The following TFEC variants were observed in gnomAD, a reference collection of about 807,000 sequenced individuals.
TFEC encodes the protein class E basic helix-loop-helix protein 34.
In TFEC, 31 loss-of-function variants were observed where a neutral mutation model predicts 41.6. The observed-to-expected ratio is 0.74, with a 90% CI of 0.56 to 1.01. The LOEUF is 1.01. TFEC is among the 50% of genes least tolerant of loss of function. The pLI is 0.00. For synonymous variants in TFEC, 143 were observed against 140.6 expected (o/e 1.02, Z -0.12); for missense variants, 402 against 404.1 (o/e 0.99, Z 0.04).
chr7:116,072,395 T>G (rs1340367695), intron 3 of TFEC, among the ~76,000 whole-genome samples: 1 of 151,644 alleles, frequency 6.6e-6, no homozygotes, highest in East Asian at 1.9e-4. Flanking sequence ...CAATTGTATG[T>G]ATTTTAATAT....
At chr7:116,040,996 A>T (rs1796023257) in intron 3 of TFEC, among the ~76,000 whole-genome samples, 1 of 152,196 alleles carries the variant, frequency 6.6e-6, no homozygotes, top group African/African-American at 2.4e-5. Context: ...CCGGGGAAAT[A>T]TTAACACCTA....
chr7:115,975,030 G>A (rs555073010), intron 2 of TFEC, among the ~76,000 whole-genome samples: 1 of 152,084 alleles, frequency 6.6e-6, no homozygotes. Flanking sequence ...TCAATAATTT[G>A]TCCCAGATTA....
chr7:116,101,576 G>T (rs2115968206), intron 3 of TFEC, among the ~76,000 whole-genome samples: 1 of 152,180 alleles, frequency 6.6e-6, no homozygotes, highest in Non-Finnish European at 1.5e-5. Context: ...TAGTAAACCT[G>T]ACTGGCTCTT....
In TFEC at chr7:115,940,747, G is replaced by A; in HGVS notation, c.848C>T (p.Ser283Phe). 1 of 1,613,502 alleles carries A rather than the reference G, an allele frequency of 6.2e-7. No individual in the cohort carries two copies. Among genetic ancestry groups the A allele is most frequent in the Non-Finnish European group, 8.5e-7 (1 of 1,179,626 alleles). The change falls in exon 8 of 8, where the codon TCT becomes TTT. Residue 283 changes from serine to phenylalanine, a missense_variant. By Grantham distance (155) the Ser-to-Phe change is radical (BLOSUM62 -2). Coordinates refer to ENST00000265440, the MANE Select transcript of TFEC (RefSeq NM_012252.4). ...PELCDQAIAF[S>F]DPLSYFTDLS... ...ATCTGTGAAGTATGACAAAGGATCA[G>A]AAAAGGCTATAGCTTGATCACAGAG... is the stretch of plus-strand genomic sequence containing the variant.
intron 1 of TFEC, among the ~76,000 whole-genome samples, chr7:115,987,088 A>C (rs1008425582): frequency 3.3e-5 from 5 of 152,156 alleles, no homozygotes; most frequent in Non-Finnish European, 7.4e-5. Context: ...AGAATAAAAT[A>C]TAGTATGGGA....
chr7:115,974,099 A>T (rs1182026243), intron 3 of TFEC, 71 bp downstream of exon 3: 5 of 1,275,012 alleles, frequency 3.9e-6, no homozygotes, highest in Non-Finnish European at 5.4e-6. Context: ...CCAGTTGCTA[A>T]TCAAATATTT....
At chr7:116,158,730 A>G (rs1321215394) in intron 1 of TFEC, among the ~76,000 whole-genome samples, 2 of 152,100 alleles carry the variant, frequency 1.3e-5, no homozygotes, top group Non-Finnish European at 2.9e-5. Flanking sequence ...TTGCAATAGC[A>G]TATTACTATA....
chr7:115,956,995 G>A (rs549111959), intron 3 of TFEC, among the ~76,000 whole-genome samples: 6 of 151,720 alleles, frequency 4.0e-5, no homozygotes, highest in South Asian at 2.1e-4. Context: ...GATAAGATGC[G>A]CTGAAAAAAA....
intron 1 of TFEC, among the ~76,000 whole-genome samples, chr7:116,026,204 C>A (rs1795578632): frequency 6.6e-6 from 1 of 152,202 alleles, no homozygotes. Flanking sequence ...ATCAAAGACC[C>A]CTGAATATGC....
chr7:116,156,201 A>G (rs1029026880), intron 1 of TFEC, among the ~76,000 whole-genome samples: 5 of 152,148 alleles, frequency 3.3e-5, no homozygotes, highest in Non-Finnish European at 7.3e-5. Flanking sequence ...GGAAAGACAG[A>G]AACAGCAGGA....
chr7:115,978,015 A>C (rs570817335), intron 2 of TFEC, among the ~76,000 whole-genome samples: 8 of 152,256 alleles, frequency 5.3e-5, no homozygotes, highest in Admixed American at 3.9e-4. Flanking sequence ...AAAGCATAGT[A>C]ACTTAAAACA....
chr7:115,980,559 G>A (rs1562908201), intron 2 of TFEC, among the ~76,000 whole-genome samples: 2 of 152,068 alleles, frequency 1.3e-5, no homozygotes, highest in East Asian at 1.9e-4. Flanking sequence ...AGACCACCCT[G>A]GCCAATACGG....
At chr7:116,061,379 A>G (rs1216169690) in intron 3 of TFEC, among the ~76,000 whole-genome samples, 1 of 152,150 alleles carries the variant, frequency 6.6e-6, no homozygotes, top group African/African-American at 2.4e-5. Context: ...CTTTTCAACA[A>G]ATTATTCTGG....
At chr7:116,021,800 A>C (rs977119564) in intron 1 of TFEC, among the ~76,000 whole-genome samples, 1 of 152,172 alleles carries the variant, frequency 6.6e-6, no homozygotes, top group East Asian at 1.9e-4. Context: ...AGTTCATCAG[A>C]ACAGTCAAAC....
chr7:116,022,169 G>T (rs1795421681), intron 1 of TFEC, among the ~76,000 whole-genome samples: 1 of 152,130 alleles, frequency 6.6e-6, no homozygotes, highest in African/African-American at 2.4e-5. Flanking sequence ...CATATTTTTG[G>T]AGATTTATAA....
intron 6 of TFEC, among the ~76,000 whole-genome samples, chr7:115,947,968 AAAAG>A (rs1209798851): frequency 6.6e-6 from 1 of 152,178 alleles, no homozygotes; most frequent in African/African-American, 2.4e-5. Flanking sequence ...AATAAAGAAA[AAAAG>A]AGAGAAGAAT....
chr7:116,151,625 T>C (rs1340078633), intron 1 of TFEC, among the ~76,000 whole-genome samples: 1 of 152,158 alleles, frequency 6.6e-6, no homozygotes, highest in Admixed American at 6.5e-5. Context: ...GTTTTGGTTT[T>C]TTTCCAAAAT....
intron 3 of TFEC, among the ~76,000 whole-genome samples, chr7:116,083,402 T>C (rs1390702662): frequency 6.6e-6 from 1 of 151,956 alleles, no homozygotes; most frequent in Non-Finnish European, 1.5e-5. Context: ...TTCAGCTTAT[T>C]AAATTAGAAT....
At chr7:115,952,146 T>C (rs1057108076) in intron 5 of TFEC, among the ~76,000 whole-genome samples, 1 of 152,088 alleles carries the variant, frequency 6.6e-6, no homozygotes, top group Non-Finnish European at 1.5e-5. Flanking sequence ...GCAAATTACA[T>C]GAATGAATTT....
Sources: allele counts gnomAD v4.1 joint callset (sites outside exome capture counted in the v4.1 genomes callset), GRCh38; gene constraint gnomAD v4.1.1; transcripts MANE v1.5; gene names NCBI Gene and HGNC (gene_info 2026-07-23, HGNC 2026-07-21).